The following TJP1 variants were observed in gnomAD, a reference collection of about 807,000 sequenced individuals.
The protein encoded by TJP1 is tight junction protein 1.
A neutral mutation model predicts 194.2 loss-of-function variants in TJP1; 43 were observed. The observed-to-expected ratio is 0.22, with a 90% CI of 0.17 to 0.29. The LOEUF (loss-of-function observed/expected upper bound fraction) is 0.29, where lower values mean the gene tolerates loss of function less well. TJP1 is among the 10% of genes least tolerant of loss of function. The pLI, the probability that TJP1 is intolerant of heterozygous loss-of-function variation, is 1.00. For missense variants in TJP1, 1,971 were observed against 2,185.7 expected (o/e 0.90, Z 1.96); for synonymous variants, 801 against 779.0 (o/e 1.03, Z -0.47).
chr15:29,710,569 T>C (rs750179937), intron 24 of TJP1, among the ~76,000 whole-genome samples: 1 of 152,216 alleles, frequency 6.6e-6, no homozygotes, highest in Non-Finnish European at 1.5e-5. Flanking sequence ...CATCTTTACA[T>C]ATACTGGCAA....
intron 2 of TJP1, among the ~76,000 whole-genome samples, chr15:29,923,611 T>C (rs527772330): frequency 4.6e-5 from 7 of 152,126 alleles, no homozygotes; most frequent in African/African-American, 1.7e-4. Context: ...AATAGGAAAA[T>C]CTATAAAGAC....
intron 26 of TJP1, 90 bp from the exon 27 acceptor site, chr15:29,704,395 C>A: frequency 6.9e-7 from 1 of 1,459,580 alleles, no homozygotes; most frequent in Non-Finnish European, 9.2e-7. Flanking sequence ...TAATTATATG[C>A]TTGAAAGCCT....
chr15:29,896,616 G>C (rs1289495718), intron 2 of TJP1, among the ~76,000 whole-genome samples: 1 of 152,200 alleles, frequency 6.6e-6, no homozygotes, highest in Non-Finnish European at 1.5e-5. Flanking sequence ...ACAAGAAAAT[G>C]GGAGAAAGTT....
rs879305419 is a variant in TJP1, at chr15:29,739,994, CT to C, written c.1256+1336del. On this transcript the variant is annotated intron_variant, in intron 10 of 27. Transcript: ENST00000614355. ...CCACTTGAGGAAATCTGCCAATTTT[CT>C]TTTTTTTTTTGAGACGGAGTCTCGC... 7.2e-4 allele frequency among the ~76,000 whole-genome samples: 105 copies of C among 146,620 alleles called. 1 individual carries two copies. The highest frequency in any genetic ancestry group is 3.5e-3 in the Middle Eastern group (1 of 286).
At chr15:29,744,792 C>A (rs1204163019) in intron 8 of TJP1, among the ~76,000 whole-genome samples, 1 of 152,132 alleles carries the variant, frequency 6.6e-6, no homozygotes, top group Non-Finnish European at 1.5e-5. Context: ...ATACTCTAGT[C>A]ATCAGCATTC....
intron 2 of TJP1, among the ~76,000 whole-genome samples, chr15:29,886,134 G>A (rs946240063): frequency 6.6e-6 from 1 of 152,170 alleles, no homozygotes; most frequent in East Asian, 1.9e-4. Flanking sequence ...TAAAAATACT[G>A]TGTGCTCTAA....
At chr15:29,859,415 T>A (rs1446916270) in intron 2 of TJP1, among the ~76,000 whole-genome samples, 1 of 151,796 alleles carries the variant, frequency 6.6e-6, no homozygotes, top group Non-Finnish European at 1.5e-5. Flanking sequence ...ATCAGAGAGG[T>A]CTCCATCATC....
intron 1 of TJP1, chr15:29,967,996 C>T (rs533619761): frequency 4.3e-6 from 4 of 926,492 alleles, no homozygotes; most frequent in East Asian, 1.2e-4. Context: ...GCATGGATTA[C>T]GGATTATTAT....
chr15:29,703,479 C>T (rs562937192), intron 27 of TJP1, among the ~76,000 whole-genome samples: 123 of 152,030 alleles, frequency 8.1e-4, no homozygotes, highest in Middle Eastern at 3.4e-3. Flanking sequence ...ATAAATTAAA[C>T]AATAGTAACC....
In TJP1 at chr15:29,737,307, G is replaced by C. The variant is rs2044099303; in HGVS notation, c.1364C>G (p.Pro455Arg). The C allele has an allele frequency of 6.2e-7, 1 of 1,614,150 alleles. No individual in the cohort carries two copies. The highest frequency in any genetic ancestry group is 8.5e-7 in the Non-Finnish European group (1 of 1,180,026). The change falls in exon 11 of 28, where the codon CCT (proline) becomes CGT (arginine). Residue 455 changes from proline (P) to arginine (R), a missense_variant. Around this residue, in one of 5 missense-constraint regions of TJP1, gnomAD observed 24 missense variants for 54.2 expected, o/e 0.44. Transcript: ENST00000614355. Reference protein sequence around the residue: ...IFVAGVLEDSPAAKEGLEEGD... With the variant: ...IFVAGVLEDSRAAKEGLEEGD... ...TTCCTCTAAGCCTTCCTTGGCTGCA[G>C]GGCTATCTTCTAGAACGCCAGCTAC...
At chr15:29,961,620 A>G (rs531239673) in intron 1 of TJP1, among the ~76,000 whole-genome samples, 2 of 152,266 alleles carry the variant, frequency 1.3e-5, no homozygotes, top group Non-Finnish European at 2.9e-5. Flanking sequence ...CAAACGCTGA[A>G]GTCCAGGGCC....
intron 1 of TJP1, chr15:29,820,619 T>G: frequency 1.4e-6 from 1 of 715,330 alleles, no homozygotes. Flanking sequence ...GTACCAGAGA[T>G]CACACTTCAG....
chr15:29,710,567 C>T (rs2042179179), intron 24 of TJP1, among the ~76,000 whole-genome samples: 1 of 152,186 alleles, frequency 6.6e-6, no homozygotes, highest in Admixed American at 6.5e-5. Context: ...ACCATCTTTA[C>T]ATATACTGGC....
intron 1 of TJP1, among the ~76,000 whole-genome samples, chr15:29,809,613 C>T (rs928730329): frequency 2.0e-5 from 3 of 152,062 alleles, no homozygotes; most frequent in South Asian, 2.1e-4. Context: ...GGGAGGCCAA[C>T]GGGGGTGGAT....
intron 4 of TJP1, among the ~76,000 whole-genome samples, chr15:29,768,094 C>T (rs1009788583): frequency 1.6e-4 from 25 of 152,030 alleles, no homozygotes; most frequent in African/African-American, 4.8e-4. Context: ...CAAAGGGCTG[C>T]TCTACACTTA....
intron 1 of TJP1, among the ~76,000 whole-genome samples, chr15:29,814,556 C>T (rs1400258078): frequency 6.6e-6 from 1 of 152,024 alleles, no homozygotes; most frequent in Non-Finnish European, 1.5e-5. Context: ...AAGATAATGA[C>T]AATTCCAAAA....
intron 2 of TJP1, among the ~76,000 whole-genome samples, chr15:29,840,629 G>A (rs532629676): frequency 2.6e-5 from 4 of 152,166 alleles, no homozygotes; most frequent in East Asian, 2.0e-4. Flanking sequence ...CCCAGGACAC[G>A]CCTCCTGAGG....
At chr15:29,949,769 T>A (rs1275421133) in intron 2 of TJP1, among the ~76,000 whole-genome samples, 13 of 38,524 alleles carry the variant, frequency 3.4e-4, no homozygotes, top group Admixed American at 6.4e-4. Context: ...CACCACTACC[T>A]CCACCACCTC....
intron 2 of TJP1, chr15:29,956,183 C>T (rs950387542): frequency 1.8e-6 from 2 of 1,134,756 alleles, no homozygotes; most frequent in Non-Finnish European, 2.2e-6. Context: ...AAAATAAAAA[C>T]TTTCATACTC....
Sources: allele counts gnomAD v4.1 joint callset (sites outside exome capture counted in the v4.1 genomes callset), GRCh38; gene constraint gnomAD v4.1.1; regional missense constraint gnomAD v4.1.1; transcripts MANE v1.5; gene names NCBI Gene and HGNC (gene_info 2026-07-23, HGNC 2026-07-21).